The following GPM6A variants were observed in gnomAD, a reference collection of about 807,000 sequenced individuals.
GPM6A encodes the protein neuronal membrane glycoprotein M6-a.
GPM6A carries 7 observed loss-of-function variants against 32.1 expected under a neutral mutation model. The ratio of observed to expected loss-of-function variants is 0.22; its 90% CI spans 0.12 to 0.41. GPM6A has a LOEUF of 0.41. Among genes scored for constraint, GPM6A ranks in the 10% least tolerant of loss-of-function variants. GPM6A has a pLI of 1.00. For synonymous variants in GPM6A, 130 were observed against 123.4 expected (o/e 1.05, Z -0.35); for missense variants, 235 against 347.2 (o/e 0.68, Z 2.57).
intron 1 of GPM6A, among the ~76,000 whole-genome samples, chr4:175,881,858 G>A (rs537140210): frequency 1.3e-5 from 2 of 152,054 alleles, no homozygotes; most frequent in Admixed American, 1.3e-4. Flanking sequence ...GGAGGAGGGG[G>A]AGGGATAGCA....
intron 6 of GPM6A, among the ~76,000 whole-genome samples, chr4:175,636,368 T>C (rs749290405): frequency 1.3e-5 from 2 of 148,740 alleles, no homozygotes; most frequent in Admixed American, 1.4e-4. Flanking sequence ...TGCTGTAAAA[T>C]ATCAAGTGCT....
At chr4:175,785,190 G>A (rs957909155) in intron 1 of GPM6A, among the ~76,000 whole-genome samples, 2 of 152,056 alleles carry the variant, frequency 1.3e-5, no homozygotes, top group East Asian at 1.9e-4. Context: ...AAGTCCAATC[G>A]CCATGCTATG....
chr4:175,950,799 A>T (rs1018505712), intron 1 of GPM6A, among the ~76,000 whole-genome samples: 1 of 152,230 alleles, frequency 6.6e-6, no homozygotes, highest in Non-Finnish European at 1.5e-5. Flanking sequence ...TTGTCACCTT[A>T]AATGATTAAT....
At chr4:175,951,221 A>C (rs1328759177) in intron 1 of GPM6A, among the ~76,000 whole-genome samples, 2 of 152,146 alleles carry the variant, frequency 1.3e-5, no homozygotes, top group Non-Finnish European at 2.9e-5. Context: ...TGCCCAACTG[A>C]CCCTGTAACA....
At chr4:175,929,443 T>A (rs1738955088) in intron 1 of GPM6A, among the ~76,000 whole-genome samples, 1 of 152,182 alleles carries the variant, frequency 6.6e-6, no homozygotes, top group South Asian at 2.1e-4. Flanking sequence ...TTCCCACTGG[T>A]GGAAAGATGT....
At chr4:175,744,683 T>C (rs1385492822) in intron 1 of GPM6A, among the ~76,000 whole-genome samples, 1 of 152,140 alleles carries the variant, frequency 6.6e-6, no homozygotes, top group Non-Finnish European at 1.5e-5. Flanking sequence ...TACCGTGTAC[T>C]CAAAAGATTT....
chr4:175,778,580 G>A (rs1197006242), intron 1 of GPM6A, among the ~76,000 whole-genome samples: 4 of 135,064 alleles, frequency 3.0e-5, no homozygotes, highest in Non-Finnish European at 3.0e-5. Flanking sequence ...AGGGGAGATC[G>A]CAGCACTGCA....
At chr4:175,665,087 G>T (rs187473965) in intron 3 of GPM6A, among the ~76,000 whole-genome samples, 2 of 152,140 alleles carry the variant, frequency 1.3e-5, no homozygotes, top group African/African-American at 4.8e-5. Context: ...CCTCTGACAC[G>T]TGGTTCAGCA....
chr4:175,858,998 C>T (rs1246269234), intron 1 of GPM6A, among the ~76,000 whole-genome samples: 3 of 152,124 alleles, frequency 2.0e-5, no homozygotes, highest in African/African-American at 7.2e-5. Context: ...TTTCATTTAT[C>T]TGAAATTCTA....
chr4:175,870,448 T>C (rs748199218), intron 1 of GPM6A, among the ~76,000 whole-genome samples: 2 of 152,206 alleles, frequency 1.3e-5, no homozygotes, highest in Non-Finnish European at 2.9e-5. Context: ...GTACCTACTA[T>C]GTGACAGGCA....
intron 1 of GPM6A, among the ~76,000 whole-genome samples, chr4:175,911,307 C>T (rs890134869): frequency 6.6e-6 from 1 of 152,048 alleles, no homozygotes; most frequent in African/African-American, 2.4e-5. Flanking sequence ...TTAAAAAAAT[C>T]CTCAAAACTC....
chr4:175,961,981 G>A (rs1333215755), intron 1 of GPM6A: 5 of 527,278 alleles, frequency 9.5e-6, no homozygotes, highest in African/African-American at 7.7e-5. Context: ...CACAGCAATA[G>A]GGCTCTTGTA....
At chr4:175,801,287 A>C (rs1319282626) in intron 1 of GPM6A, among the ~76,000 whole-genome samples, 1 of 152,118 alleles carries the variant, frequency 6.6e-6, no homozygotes, top group South Asian at 2.1e-4. Context: ...TGAAATCAGG[A>C]TCACGTTAAA....
intron 2 of GPM6A, among the ~76,000 whole-genome samples, chr4:175,679,452 A>G (rs1743560417): frequency 1.3e-5 from 2 of 152,058 alleles, no homozygotes; most frequent in African/African-American, 4.8e-5. Flanking sequence ...ACTGTGTACT[A>G]CTTCTCTTCC....
chr4:175,929,501 G>A (rs1309825144), intron 1 of GPM6A, among the ~76,000 whole-genome samples: 1 of 152,140 alleles, frequency 6.6e-6, no homozygotes, highest in African/African-American at 2.4e-5. Context: ...AAAGTAATAT[G>A]GTTCTGCATT....
At chr4:175,946,024 T>A (rs1739594302) in intron 1 of GPM6A, among the ~76,000 whole-genome samples, 1 of 152,096 alleles carries the variant, frequency 6.6e-6, no homozygotes, top group African/African-American at 2.4e-5. Flanking sequence ...GAAGACTAAA[T>A]GTGTAATGTA....
intron 2 of GPM6A, among the ~76,000 whole-genome samples, chr4:175,677,924 G>A (rs1266987842): frequency 6.6e-6 from 1 of 152,106 alleles, no homozygotes; most frequent in Non-Finnish European, 1.5e-5. Flanking sequence ...GAGCAAAAAA[G>A]TTTTAGCCTA....
chr4:175,979,702 A>C (rs1740768236), intron 1 of GPM6A, among the ~76,000 whole-genome samples: 1 of 152,240 alleles, frequency 6.6e-6, no homozygotes, highest in Non-Finnish European at 1.5e-5. Context: ...AGGAAAAGAC[A>C]GGGAGAAGAA....
At chr4:175,749,178 G>A (rs981348902) in intron 1 of GPM6A, among the ~76,000 whole-genome samples, 5 of 150,222 alleles carry the variant, frequency 3.3e-5, no homozygotes, top group Non-Finnish European at 5.9e-5. Context: ...TATTAGATTG[G>A]TGCAAAAGTA....
Sources: allele counts gnomAD v4.1 joint callset (sites outside exome capture counted in the v4.1 genomes callset), GRCh38; gene constraint gnomAD v4.1.1; transcripts MANE v1.5; gene names NCBI Gene and HGNC (gene_info 2026-07-23, HGNC 2026-07-21).